The following GLP1R variants were observed in gnomAD, a reference collection of about 807,000 sequenced individuals.
The protein encoded by GLP1R is glucagon-like peptide 1 receptor.
GLP1R carries 32 observed loss-of-function variants against 68.4 expected under a neutral mutation model. That is an observed-to-expected ratio of 0.47 (90% CI 0.35 to 0.63). The LOEUF (loss-of-function observed/expected upper bound fraction) is 0.63. GLP1R is among the 20% of genes least tolerant of loss of function. GLP1R has a pLI of 0.00. For synonymous variants in GLP1R, 263 were observed against 244.4 expected (o/e 1.08, Z -0.71); for missense variants, 502 against 594.9 (o/e 0.84, Z 1.62).
intron 7 of GLP1R, among the ~76,000 whole-genome samples, chr6:39,078,007 G>A (rs1295196358): frequency 1.3e-5 from 2 of 152,126 alleles, no homozygotes; most frequent in South Asian, 2.1e-4. Flanking sequence ...TCCCGCTGCT[G>A]TTTGTGTGTC....
intron 3 of GLP1R, among the ~76,000 whole-genome samples, chr6:39,059,200 C>G (rs534001632): frequency 7.4e-4 from 113 of 152,182 alleles, no homozygotes; most frequent in Non-Finnish European, 1.5e-3. Flanking sequence ...AAGCACTTTC[C>G]GTGCTACACT....
In GLP1R at chr6:39,091,188, C is replaced by T. The variant is rs184209162; in HGVS notation, c.*5115C>T. ...ACATATAAATTCCTGCAAAATAGGA[C>T]CAGCTTCTATAGGTAGCGAATGTGT... On this transcript the variant is annotated 3_prime_UTR_variant, in exon 13 of 13. Coordinates refer to ENST00000373256, the MANE Select transcript of GLP1R (RefSeq NM_002062.5). 3.9e-4 allele frequency among the ~76,000 whole-genome samples: 59 copies of T among 152,262 alleles called. No homozygotes were observed. The highest frequency in any genetic ancestry group is 1.1e-3 in the African/African-American group (46 of 41,546).
intron 7 of GLP1R, among the ~76,000 whole-genome samples, chr6:39,075,739 G>A (rs1768800816): frequency 1.3e-5 from 2 of 152,248 alleles, no homozygotes; most frequent in African/African-American, 2.4e-5. Flanking sequence ...ACAACTTTCA[G>A]CTTCATGTGC....
At chr6:39,051,506 C>G (rs778602347) in intron 1 of GLP1R, among the ~76,000 whole-genome samples, 2 of 152,158 alleles carry the variant, frequency 1.3e-5, no homozygotes, top group East Asian at 3.8e-4. Context: ...TGGGTTTCCT[C>G]CTGGACAGGA....
chr6:39,048,850 G>GC lies in GLP1R; in HGVS notation c.15dup (p.Gly6ArgfsTer47). ...TCCTGAACTCCCCGCCATGGCCGGC[G>GC]CCCCCGGCCCGCTGCGCCTTGCGCT... On this transcript the variant is annotated frameshift_variant, in exon 1 of 13. Transcript: ENST00000373256. LOFTEE classifies it high-confidence loss of function. 2 of 1,478,740 alleles carry GC rather than the reference G, an allele frequency of 1.4e-6. No homozygotes were observed. The highest frequency in any genetic ancestry group is 1.5e-5 in the African/African-American group (1 of 68,352). The allele number at this position is 1,478,740 out of a possible 1,614,324, so 91.6% of individuals were successfully genotyped here.
intron 3 of GLP1R, among the ~76,000 whole-genome samples, chr6:39,059,951 C>T (rs559810480): frequency 5.3e-5 from 8 of 152,184 alleles, no homozygotes; most frequent in South Asian, 2.1e-4. Context: ...ATGAAGATAA[C>T]GGCCACTGCA....
intron 5 of GLP1R, among the ~76,000 whole-genome samples, chr6:39,067,504 A>T (rs1430726701): frequency 6.6e-6 from 1 of 151,980 alleles, no homozygotes. Flanking sequence ...TCTCACAAAC[A>T]CCCTCAGGTC....
chr6:39,066,101 T>G, intron 4 of GLP1R, 96 bp from the exon 5 acceptor site: 1 of 724,136 alleles, frequency 1.4e-6, no homozygotes, highest in South Asian at 1.8e-5. Context: ...AGTCCTGACT[T>G]GGGGCCCCAG....
At chr6:39,058,670 A>ATCATCG (rs59982730) in intron 3 of GLP1R, among the ~76,000 whole-genome samples, 1 of 151,538 alleles carries the variant, frequency 6.6e-6, no homozygotes, top group Non-Finnish European at 1.5e-5. Flanking sequence ...CATCATCATC[A>ATCATCG]CCATCACCAT....
intron 1 of GLP1R, 88 bp from the exon 2 acceptor site, chr6:39,056,309 G>T: frequency 1.5e-6 from 1 of 674,206 alleles, no homozygotes; most frequent in East Asian, 2.7e-5. Context: ...GTTTCATGGA[G>T]ATTGAGAAAC....
chr6:39,048,911 GCC>G lies in GLP1R; in HGVS notation c.75_76del (p.Gln26GlyfsTer26). 7.2e-7 allele frequency: 1 copy of G among 1,386,318 alleles called. No individual in the cohort carries two copies. The highest frequency in any genetic ancestry group is 9.4e-7 in the Non-Finnish European group (1 of 1,058,780). 85.9% of individuals were successfully genotyped at this position (1,386,318 alleles called of 1,614,324 possible). A position where few individuals can be genotyped will look rare whatever the true frequency, so the allele number is the denominator to read the frequency against. On this transcript the variant is annotated frameshift_variant, in exon 1 of 13. Transcript: ENST00000373256. LOFTEE classifies it high-confidence loss of function. Reference sequence around the variant, plus strand: ...GGGATGGTGGGCAGGGCCGGCCCCCGCCCCCAGGTGAGATCCAGGGACCCCGA... The same window carrying G: ...GGGATGGTGGGCAGGGCCGGCCCCCGCCCAGGTGAGATCCAGGGACCCCGA...
In GLP1R at chr6:39,079,498, G is replaced by A. The variant is rs1583648036; in HGVS notation, c.1044-66G>A. On this transcript the variant is annotated intron_variant, in intron 10 of 12. Transcript: ENST00000373256. This position sits in a 1 kb window ranked among gnomAD's most constrained non-coding sequence, Gnocchi z 4.5. ...GACTTGGTAGGAAGTGGGGAGGGTA[G>A]AGAAAGGGAAGAAGAGTCCATGGGA... The A allele has an allele frequency of 1.4e-6, 2 of 1,460,786 alleles. No individual in the cohort carries two copies. The highest frequency in any genetic ancestry group is 1.4e-5 in the African/African-American group (1 of 70,542). The allele number at this position is 1,460,786 out of a possible 1,614,324, so 90.5% of individuals were successfully genotyped here.
At chr6:39,071,828 A>G (rs1301353042) in intron 5 of GLP1R, among the ~76,000 whole-genome samples, 1 of 152,224 alleles carries the variant, frequency 6.6e-6, no homozygotes, top group Non-Finnish European at 1.5e-5. Context: ...AAAATAAGGT[A>G]GAATTTTTAT....
Position 39,080,755 on chromosome 6 carries a change from G to A in GLP1R, c.1224+16G>A. 1.9e-6 allele frequency: 3 copies of A among 1,549,568 alleles called. No individual in the cohort carries two copies. The highest frequency in any genetic ancestry group is 2.6e-6 in the Non-Finnish European group (3 of 1,134,380). ...CAACAATGAGGTAAGCTCTGAGGAG[G>A]GACGGTGGGGACCCTGGTGGGTGGG... On this transcript the variant is annotated intron_variant, in intron 12 of 12. Transcript: ENST00000373256.
At position 39,057,544 on chromosome 6, in the gene GLP1R, T is replaced by A; in HGVS notation, c.248T>A (p.Val83Asp). ...PDGEPGSFVN[V>D]SCPWYLPWAS... ...GGGGAGCCAGGCTCGTTCGTGAATGTCAGCTGCCCCTGGTACCTGCCCTGG... is the reference window on the plus strand; with the variant it reads ...GGGGAGCCAGGCTCGTTCGTGAATGACAGCTGCCCCTGGTACCTGCCCTGG... The change falls in exon 3 of 13, where the codon GTC (valine) becomes GAC (aspartate). Residue 83 changes from valine to aspartate, a missense_variant. Val to Asp is a radical substitution (Grantham distance 152, BLOSUM62 -3). Coordinates refer to ENST00000373256, the MANE Select transcript of GLP1R (RefSeq NM_002062.5). The A allele has an allele frequency of 6.2e-7, 1 of 1,612,524 alleles. No homozygotes were observed. The highest frequency in any genetic ancestry group is 8.5e-7 in the Non-Finnish European group (1 of 1,179,318).
chr6:39,056,841 G>A (rs570451170), intron 2 of GLP1R, among the ~76,000 whole-genome samples: 4 of 152,202 alleles, frequency 2.6e-5, no homozygotes, highest in East Asian at 3.9e-4. Context: ...TCCCTGCACC[G>A]CCGGCCAGCC....
chr6:39,073,116 G>T, intron 6 of GLP1R, 101 bp downstream of exon 6: 3 of 1,141,542 alleles, frequency 2.6e-6, no homozygotes, highest in East Asian at 2.4e-5. Flanking sequence ...GACAAGAGCC[G>T]AACAGTCCTG....
At chr6:39,078,874 A>G (rs748686847) in intron 8 of GLP1R, 83 bp from the exon 9 acceptor site, 16 of 1,165,182 alleles carry the variant, frequency 1.4e-5, no homozygotes, top group Non-Finnish European at 1.9e-5. Context: ...GGCCATGTGC[A>G]TTGGCGGCCT....
intron 1 of GLP1R, among the ~76,000 whole-genome samples, chr6:39,053,883 C>T (rs1268657191): frequency 2.0e-5 from 3 of 152,140 alleles, no homozygotes; most frequent in Non-Finnish European, 4.4e-5. Flanking sequence ...CAGGGCCCAC[C>T]ACCACTCTCT....
Sources: allele counts gnomAD v4.1 joint callset (sites outside exome capture counted in the v4.1 genomes callset), GRCh38; gene constraint gnomAD v4.1.1; non-coding constraint Gnocchi (gnomAD v3.1); transcripts MANE v1.5; gene names NCBI Gene and HGNC (gene_info 2026-07-23, HGNC 2026-07-21).